Variants in GRID1 observed in about 807,000 individuals in gnomAD.
GRID1 encodes glutamate ionotropic receptor delta type subunit 1.
GRID1 carries 28 observed loss-of-function variants against 98.0 expected under a neutral mutation model. That is an observed-to-expected ratio of 0.29 (90% confidence interval 0.21 to 0.39). The LOEUF (loss-of-function observed/expected upper bound fraction) is 0.39. Among genes scored for constraint, GRID1 ranks in the 10% least tolerant of loss-of-function variants. The pLI, the probability that GRID1 is intolerant of heterozygous loss-of-function variation, is 1.00. For missense variants in GRID1, 1,111 were observed against 1,340.5 expected (o/e 0.83, Z 2.67); for synonymous variants, 553 against 538.5 (o/e 1.03, Z -0.37).
intron 4 of GRID1, among the ~76,000 whole-genome samples, chr10:86,049,356 A>T (rs1843467869): frequency 1.3e-5 from 2 of 152,156 alleles, no homozygotes; most frequent in Non-Finnish European, 2.9e-5. Flanking sequence ...GTTAGACTTG[A>T]CCCAACGTTC....
chr10:85,977,867 C>G (rs1036404874), intron 4 of GRID1, among the ~76,000 whole-genome samples: 1 of 152,170 alleles, frequency 6.6e-6, no homozygotes, highest in Admixed American at 6.5e-5. Context: ...TAATCATGCC[C>G]TGATGGAACA....
intron 13 of GRID1, among the ~76,000 whole-genome samples, chr10:85,636,301 T>C (rs1425515694): frequency 6.6e-6 from 1 of 152,224 alleles, no homozygotes; most frequent in Non-Finnish European, 1.5e-5. Context: ...ATGTCCACTT[T>C]TACATATTAA....
At chr10:86,178,908 C>T (rs1845615374) in intron 3 of GRID1, among the ~76,000 whole-genome samples, 1 of 152,134 alleles carries the variant, frequency 6.6e-6, no homozygotes, top group South Asian at 2.1e-4. Flanking sequence ...AGAGCCTTGA[C>T]CTTGGGCAGG....
At chr10:85,721,328 C>A (rs764012531) in intron 12 of GRID1, among the ~76,000 whole-genome samples, 2 of 152,190 alleles carry the variant, frequency 1.3e-5, no homozygotes, top group Non-Finnish European at 2.9e-5. Context: ...TATGATCCAG[C>A]AATTGCACTC....
In GRID1 at chr10:86,192,117, C is replaced by T. The variant is rs1845811089; in HGVS notation, c.520+14247G>A. Reference sequence around the variant, plus strand: ...GAAGGATGAATGGATGTCTTCCAAACAGTGTGGCACAAAAATGCCCACCAC... The same window carrying T: ...GAAGGATGAATGGATGTCTTCCAAATAGTGTGGCACAAAAATGCCCACCAC... On this transcript the variant is annotated intron_variant, in intron 3 of 15. Coordinates refer to ENST00000327946, the MANE Select transcript of GRID1 (RefSeq NM_017551.3). The surrounding 1 kb of genome is among the most constrained non-coding windows in gnomAD (Gnocchi z 4.8). Among the ~76,000 whole-genome samples the T allele has an allele frequency of 6.6e-6, 1 of 152,118 alleles. No homozygotes were observed. Among genetic ancestry groups the T allele is most frequent in the African/African-American group, 2.4e-5 (1 of 41,430 alleles).
intron 5 of GRID1, among the ~76,000 whole-genome samples, chr10:85,913,335 A>T (rs1004728807): frequency 6.6e-6 from 1 of 152,256 alleles, no homozygotes. Flanking sequence ...CAGATACACC[A>T]TTAATAGCTG....
intron 8 of GRID1, among the ~76,000 whole-genome samples, chr10:85,767,350 G>C (rs1239581757): frequency 1.3e-5 from 2 of 151,720 alleles, no homozygotes; most frequent in Admixed American, 1.3e-4. Flanking sequence ...CCATTACCCA[G>C]GCTGCAATTC....
intron 5 of GRID1, among the ~76,000 whole-genome samples, chr10:85,881,747 T>C (rs1841029434): frequency 1.3e-5 from 2 of 152,114 alleles, no homozygotes; most frequent in Admixed American, 1.3e-4. Context: ...CCAAAAGCAA[T>C]GGCAACAAAA....
At chr10:86,355,896 C>A (rs570786457) in intron 2 of GRID1, among the ~76,000 whole-genome samples, 2 of 152,316 alleles carry the variant, frequency 1.3e-5, no homozygotes, top group South Asian at 2.1e-4. Flanking sequence ...GCAGCAGGGG[C>A]AAGACGTGGG....
At chr10:85,947,934 T>A (rs931079554) in intron 4 of GRID1, among the ~76,000 whole-genome samples, 2 of 152,200 alleles carry the variant, frequency 1.3e-5, no homozygotes, top group Admixed American at 1.3e-4. Context: ...ATAAGCAACC[T>A]TACAATAAGC....
At chr10:86,096,967 G>A (rs1844229528) in intron 4 of GRID1, among the ~76,000 whole-genome samples, 1 of 152,174 alleles carries the variant, frequency 6.6e-6, no homozygotes, top group Non-Finnish European at 1.5e-5. Flanking sequence ...TCCTGTTACT[G>A]CAACTTTATG....
intron 3 of GRID1, among the ~76,000 whole-genome samples, chr10:86,185,637 T>G (rs553835980): frequency 5.9e-5 from 9 of 152,160 alleles, no homozygotes; most frequent in African/African-American, 2.2e-4. Flanking sequence ...GTTAAGAAAG[T>G]TACCTTATAT....
intron 12 of GRID1, among the ~76,000 whole-genome samples, chr10:85,654,117 G>A (rs78554325): frequency 0.016 from 2,406 of 152,104 alleles, 66 homozygotes; most frequent in African/African-American, 0.054. Flanking sequence ...GAAAATGCAC[G>A]CTTCCATAGG....
At chr10:85,696,437 C>A (rs1841394681) in intron 12 of GRID1, among the ~76,000 whole-genome samples, 1 of 151,910 alleles carries the variant, frequency 6.6e-6, no homozygotes, top group South Asian at 2.1e-4. Context: ...AAAATATGGA[C>A]TAACTTACAT....
chr10:85,736,436 G>A (rs1341801886), intron 8 of GRID1, among the ~76,000 whole-genome samples: 1 of 152,186 alleles, frequency 6.6e-6, no homozygotes, highest in Non-Finnish European at 1.5e-5. Flanking sequence ...AGCTCAGTTG[G>A]TAAGCTTGTC....
At chr10:85,819,801 C>T (rs890007961) in intron 8 of GRID1, among the ~76,000 whole-genome samples, 1 of 152,022 alleles carries the variant, frequency 6.6e-6, no homozygotes, top group Non-Finnish European at 1.5e-5. Context: ...GTAATCCCAG[C>T]TACTCGAGAG....
chr10:86,214,674 G>A (rs1846150826), intron 2 of GRID1, among the ~76,000 whole-genome samples: 1 of 152,166 alleles, frequency 6.6e-6, no homozygotes, highest in Admixed American at 6.5e-5. Context: ...ACCAGCCTGG[G>A]CAACATGGTG....
intron 4 of GRID1, among the ~76,000 whole-genome samples, chr10:85,992,624 A>G (rs1842695341): frequency 2.0e-5 from 3 of 147,668 alleles, no homozygotes; most frequent in Admixed American, 1.3e-4. Flanking sequence ...GTGGGGGGGG[A>G]ACAAATGGTA....
At chr10:86,053,318 G>A (rs1843526666) in intron 4 of GRID1, among the ~76,000 whole-genome samples, 1 of 151,932 alleles carries the variant, frequency 6.6e-6, no homozygotes, top group African/African-American at 2.4e-5. Context: ...CTACTCTCGT[G>A]GACATCTACT....
Sources: allele counts gnomAD v4.1 joint callset (sites outside exome capture counted in the v4.1 genomes callset), GRCh38; gene constraint gnomAD v4.1.1; non-coding constraint Gnocchi (gnomAD v3.1); transcripts MANE v1.5; gene names NCBI Gene and HGNC (gene_info 2026-07-23, HGNC 2026-07-21).